Variants in GPC5 observed in about 807,000 individuals in gnomAD.
GPC5 encodes the protein glypican 5.
Under a neutral mutation model 53.9 loss-of-function variants are expected in GPC5, and 47 were observed. The ratio of observed to expected loss-of-function variants is 0.87; its 90% confidence interval spans 0.69 to 1.11. GPC5 has a LOEUF of 1.11. Among genes scored for constraint, GPC5 ranks in the 50% most tolerant of loss-of-function variants. The probability of loss-of-function intolerance (pLI) is 0.00; values close to 1 mark genes in which losing one functional copy is unlikely to be tolerated. For missense variants in GPC5, 748 were observed against 713.1 expected (o/e 1.05, Z -0.56); for synonymous variants, 286 against 263.3 (o/e 1.09, Z -0.84).
chr13:91,643,944 T>C (rs866459904), intron 2 of GPC5, among the ~76,000 whole-genome samples: 30 of 151,916 alleles, frequency 2.0e-4, no homozygotes, highest in African/African-American at 7.0e-4. Context: ...AGTCACATTT[T>C]GAGCTTAACA....
Position 92,280,641 on chromosome 13 carries a change from A to C in GPC5, c.1561+135652A>C, listed in dbSNP as rs144297132. On this transcript the variant is annotated intron_variant, in intron 7 of 7. Coordinates refer to ENST00000377067, the MANE Select transcript of GPC5 (RefSeq NM_004466.6). The stretch of plus-strand genomic sequence containing the variant: ...CTGAATTCCTAACTTCCAGTACCTC[A>C]GAGTATGACTGTATTAGAAGACTGA... Among the ~76,000 whole-genome samples the C allele has an allele frequency of 5.2e-3, 786 of 152,306 alleles. 7 individuals carry two copies. Among genetic ancestry groups the C allele is most frequent in the African/African-American group, 0.018 (754 of 41,566 alleles).
At chr13:92,178,114 T>C (rs1375934444) in intron 7 of GPC5, among the ~76,000 whole-genome samples, 2 of 152,300 alleles carry the variant, frequency 1.3e-5, no homozygotes, top group East Asian at 3.9e-4. Flanking sequence ...TCCGAAGGGA[T>C]GCCGCAAAGG....
chr13:91,420,247 T>C (rs1349552808), intron 1 of GPC5, among the ~76,000 whole-genome samples: 1 of 152,202 alleles, frequency 6.6e-6, no homozygotes, highest in Non-Finnish European at 1.5e-5. Context: ...GTGGGTTTCC[T>C]TTGTTATTCC....
At chr13:91,957,436 C>T (rs1594687076) in intron 6 of GPC5, among the ~76,000 whole-genome samples, 1 of 152,156 alleles carries the variant, frequency 6.6e-6, no homozygotes, top group East Asian at 1.9e-4. Context: ...TTTCCCAAAT[C>T]AGCTCGAGAT....
intron 5 of GPC5, among the ~76,000 whole-genome samples, chr13:91,782,169 T>C (rs2037808113): frequency 6.6e-6 from 1 of 152,218 alleles, no homozygotes; most frequent in Non-Finnish European, 1.5e-5. Flanking sequence ...ATTCCAAGTC[T>C]TTCTGTGTCT....
chr13:91,434,307 T>C (rs1879737863), intron 1 of GPC5, among the ~76,000 whole-genome samples: 1 of 152,094 alleles, frequency 6.6e-6, no homozygotes, highest in Non-Finnish European at 1.5e-5. Context: ...ATTGCCTAGG[T>C]TTTCTTCTAG....
At chr13:92,832,170 T>C (rs1446732183) in intron 7 of GPC5, among the ~76,000 whole-genome samples, 1 of 152,142 alleles carries the variant, frequency 6.6e-6, no homozygotes, top group African/African-American at 2.4e-5. Flanking sequence ...CAAAAGGATA[T>C]AGGAGGAGAT....
intron 7 of GPC5, among the ~76,000 whole-genome samples, chr13:92,612,656 C>A (rs1884477471): frequency 6.6e-6 from 1 of 152,060 alleles, no homozygotes; most frequent in Non-Finnish European, 1.5e-5. Flanking sequence ...TCATAGTGCT[C>A]ACATTGCACT....
chr13:92,031,865 A>T (rs1485905177), intron 6 of GPC5, among the ~76,000 whole-genome samples: 2 of 33,852 alleles, frequency 5.9e-5, no homozygotes, highest in African/African-American at 8.7e-5. Flanking sequence ...TAATATATAT[A>T]TTATATATAA....
intron 7 of GPC5, among the ~76,000 whole-genome samples, chr13:92,368,067 C>T: frequency 6.6e-6 from 1 of 152,078 alleles, no homozygotes; most frequent in East Asian, 1.9e-4. Context: ...TCACTGCAAC[C>T]TCTGCCTCCC....
intron 6 of GPC5, among the ~76,000 whole-genome samples, chr13:92,107,413 G>C (rs1165192324): frequency 1.3e-5 from 2 of 151,840 alleles, no homozygotes; most frequent in Non-Finnish European, 2.9e-5. Flanking sequence ...TAATATTAAG[G>C]AACATCGACT....
At chr13:92,457,144 C>T (rs955721232) in intron 7 of GPC5, among the ~76,000 whole-genome samples, 1 of 152,060 alleles carries the variant, frequency 6.6e-6, no homozygotes, top group Non-Finnish European at 1.5e-5. Context: ...TAATGGCCTC[C>T]AGCTGCATCC....
chr13:92,081,991 C>T (rs1003656439), intron 6 of GPC5, among the ~76,000 whole-genome samples: 14 of 151,996 alleles, frequency 9.2e-5, no homozygotes, highest in African/African-American at 3.4e-4. Context: ...AATCAAGGCC[C>T]AGATAAGGAG....
At chr13:92,294,826 C>CTTTTTTTTTTTTTTTTTTTTCT (rs147963724) in intron 7 of GPC5, among the ~76,000 whole-genome samples, 1 of 99,000 alleles carries the variant, frequency 1.0e-5, no homozygotes, top group Non-Finnish European at 1.9e-5. Flanking sequence ...TTTTTTTTTT[C>CTTTTTTTTTTTTTTTTTTTTCT]TTTTTTTTTT....
chr13:92,780,395 C>A (rs535325678), intron 7 of GPC5, among the ~76,000 whole-genome samples: 4 of 145,170 alleles, frequency 2.8e-5, no homozygotes, highest in African/African-American at 1.0e-4. Flanking sequence ...TTATATTTAA[C>A]TTAATATAAT....
chr13:92,162,948 T>C (rs1593948058), intron 7 of GPC5, among the ~76,000 whole-genome samples: 1 of 152,054 alleles, frequency 6.6e-6, no homozygotes, highest in East Asian at 1.9e-4. Context: ...TACACTGAAT[T>C]TAGCTGATTT....
At chr13:91,904,263 C>A (rs1370588393) in intron 5 of GPC5, among the ~76,000 whole-genome samples, 1 of 147,744 alleles carries the variant, frequency 6.8e-6, no homozygotes, top group Non-Finnish European at 1.5e-5. Flanking sequence ...CAGCATTAAT[C>A]TCCTGGGCTC....
intron 5 of GPC5, among the ~76,000 whole-genome samples, chr13:91,865,927 G>A (rs2039078500): frequency 6.6e-6 from 1 of 152,164 alleles, no homozygotes; most frequent in South Asian, 2.1e-4. Context: ...GAGTGCAATA[G>A]CACGATCTCT....
At chr13:92,031,695 T>TAATAC (rs1414090773) in intron 6 of GPC5, among the ~76,000 whole-genome samples, 1 of 96,182 alleles carries the variant, frequency 1.0e-5, no homozygotes, top group African/African-American at 4.1e-5. Flanking sequence ...ATAGTATATA[T>TAATAC]AATATATTAT....
Sources: allele counts gnomAD v4.1 joint callset (sites outside exome capture counted in the v4.1 genomes callset), GRCh38; gene constraint gnomAD v4.1.1; transcripts MANE v1.5; gene names NCBI Gene and HGNC (gene_info 2026-07-23, HGNC 2026-07-21).